Variants in NEK5 observed in about 807,000 individuals in gnomAD.
The protein encoded by NEK5 is serine/threonine-protein kinase Nek5.
NEK5 carries 88 observed loss-of-function variants against 109.2 expected under a neutral mutation model. That is an observed-to-expected ratio of 0.81 (90% confidence interval 0.68 to 0.96). NEK5 has a LOEUF of 0.96. Among genes scored for constraint, NEK5 ranks in the 40% least tolerant of loss-of-function variants. NEK5 has a pLI of 0.00. For missense variants in NEK5, 834 were observed against 920.7 expected, an observed-to-expected ratio of 0.91 and a Z score of 1.22; for synonymous variants, 283 against 299.9, an observed-to-expected ratio of 0.94 and a Z score of 0.58.
intron 3 of NEK5, among the ~76,000 whole-genome samples, chr13:52,127,053 A>C (rs1594012872): frequency 6.6e-6 from 1 of 152,246 alleles, no homozygotes; most frequent in East Asian, 1.9e-4. Flanking sequence ...TTCATTAAAA[A>C]AATTTTTTTT....
In NEK5 at chr13:52,037,104, G is replaced by A. The variant is rs1214227116; in HGVS notation, c.2343C>T (p.Asp781=). Residue 781 remains aspartate, a synonymous_variant, in exon 24 of 24, where the codon GAC becomes GAT. Transcript: ENST00000684899. ...CCTCTCTTTCTCTTGACTTTCTAGAGTCCTTAGAGGTACTGGAGGCCTCTT... is the reference window on the plus strand; with the variant it reads ...CCTCTCTTTCTCTTGACTTTCTAGAATCCTTAGAGGTACTGGAGGCCTCTT... ...KTEEASSTSK[D]SRKSREREGI... The A allele has an allele frequency of 1.2e-5, 12 of 985,176 alleles. No individual in the cohort carries two copies. The highest frequency in any genetic ancestry group is 1.4e-5 in the Non-Finnish European group (12 of 829,898). The allele number at this position is 985,176 out of a possible 1,614,324, so 61.0% of individuals were successfully genotyped here. A position where few individuals can be genotyped will look rare whatever the true frequency, so the allele number is the denominator to read the frequency against.
intron 17 of NEK5, among the ~76,000 whole-genome samples, chr13:52,080,250 C>T (rs1440145652): frequency 3.4e-4 from 47 of 139,374 alleles, no homozygotes; most frequent in African/African-American, 9.6e-4. Context: ...CCAGCCGCCC[C>T]ATCCGGGAGG....
chr13:52,114,335 C>T (rs1955809537), intron 4 of NEK5, among the ~76,000 whole-genome samples: 1 of 152,184 alleles, frequency 6.6e-6, no homozygotes, highest in Admixed American at 6.5e-5. Context: ...CATTAAATGC[C>T]AAAATCTCTT....
Position 52,101,053 on chromosome 13 carries a change from G to A in NEK5, c.892+880C>T, listed in dbSNP as rs993049845. On this transcript the variant is annotated intron_variant, in intron 11 of 23. Transcript: ENST00000684899. Reference sequence around the variant, plus strand: ...AATTAGTAATTTTCTCTTTCTTAACGTACCCCTCCCTCTGACACACAGCTT... The same window carrying A: ...AATTAGTAATTTTCTCTTTCTTAACATACCCCTCCCTCTGACACACAGCTT... 3.3e-5 allele frequency among the ~76,000 whole-genome samples: 5 copies of A among 152,150 alleles called. No homozygotes were observed. In the East Asian group the frequency reaches 7.7e-4, roughly 24 times the overall value.
intron 12 of NEK5, among the ~76,000 whole-genome samples, chr13:52,098,035 G>C (rs1955453459): frequency 6.6e-6 from 1 of 152,102 alleles, no homozygotes; most frequent in Non-Finnish European, 1.5e-5. Context: ...TTTAAGATGA[G>C]CCTGCTTCCC....
At chr13:52,040,180 G>C (rs888535436) in intron 23 of NEK5, among the ~76,000 whole-genome samples, 3 of 150,552 alleles carry the variant, frequency 2.0e-5, no homozygotes, top group Non-Finnish European at 2.9e-5. Context: ...CGCCTCCCAG[G>C]TTCAAATGAT....
intron 3 of NEK5, among the ~76,000 whole-genome samples, chr13:52,122,508 C>G (rs1761975510): frequency 6.6e-6 from 1 of 152,190 alleles, no homozygotes; most frequent in South Asian, 2.1e-4. Context: ...GTGGCTCACA[C>G]CTGTAATCCC....
intron 4 of NEK5, among the ~76,000 whole-genome samples, chr13:52,115,279 G>A (rs1339611458): frequency 6.6e-6 from 1 of 150,818 alleles, no homozygotes; most frequent in Non-Finnish European, 1.5e-5. Context: ...GGGATTACAA[G>A]CGTGAGCCAC....
intron 21 of NEK5, among the ~76,000 whole-genome samples, chr13:52,064,272 A>G (rs1593927217): frequency 8.1e-6 from 1 of 122,886 alleles, no homozygotes; most frequent in African/African-American, 3.1e-5. Context: ...CCGGGAGGTG[A>G]GGGGCGCCTC....
Position 52,034,884 on chromosome 13 carries a change from T to TC in NEK5, c.*2063_*2064insG, listed in dbSNP as rs1316767906. The stretch of plus-strand genomic sequence containing the variant: ...ATCCTTAAACATTCTTTTTTTTCTT[T>TC]TTTTTTTTTTTTTTTGCCCTTAATT... On this transcript the variant is annotated 3_prime_UTR_variant, in exon 24 of 24. Transcript: ENST00000684899. 12 of 146,132 alleles carry TC rather than the reference T, an allele frequency of 8.2e-5. No homozygotes were observed. Among genetic ancestry groups the TC allele is most frequent in the East Asian group, 5.9e-4 (3 of 5,084 alleles). 9.1% of individuals were successfully genotyped at this position (146,132 alleles called of 1,614,324 possible).
intron 17 of NEK5, among the ~76,000 whole-genome samples, chr13:52,080,137 C>T (rs1246718488): frequency 2.0e-4 from 30 of 148,982 alleles, no homozygotes; most frequent in African/African-American, 6.2e-4. Context: ...GGAGCGTCTC[C>T]GCCCGGCAGC....
At position 52,067,676 on chromosome 13, in the gene NEK5, A is replaced by ATTTT. The variant is rs33986940; in HGVS notation, c.1850-2071_1850-2068dup. ...CTCCAACTGGTCTTTACACCACGTC[A>ATTTT]TTTTTTTTTTTTTTTTTTTGAGATG... On this transcript the variant is annotated intron_variant, in intron 20 of 23. Transcript: ENST00000684899. Among the ~76,000 whole-genome samples, 34 of 120,150 alleles carry ATTTT rather than the reference A, an allele frequency of 2.8e-4. 3 individuals carry two copies. The highest frequency in any genetic ancestry group is 5.6e-4 in the South Asian group (2 of 3,596). The allele number at this position is 120,150 out of a possible 152,430, so 78.8% of individuals were successfully genotyped here. A position where few individuals can be genotyped will look rare whatever the true frequency, so the allele number is the denominator to read the frequency against.
Position 52,050,108 on chromosome 13 carries a change from C to T in NEK5, c.2224G>A (p.Asp742Asn), listed in dbSNP as rs1017355936. The T allele has an allele frequency of 1.0e-6, 1 of 966,056 alleles. No individual in the cohort carries two copies. Among genetic ancestry groups the T allele is most frequent in the Non-Finnish European group, 1.2e-6 (1 of 811,868 alleles). 59.8% of individuals were successfully genotyped at this position (966,056 alleles called of 1,614,324 possible). A position where few individuals can be genotyped will look rare whatever the true frequency, so the allele number is the denominator to read the frequency against. Residue 742 changes from aspartate (D) to asparagine (N), a missense_variant, in exon 23 of 24, where the codon GAT becomes AAT. Physicochemically the swap from Asp to Asn is conservative, Grantham distance 23 (BLOSUM62 1). Around this residue, in one of 2 missense-constraint regions of NEK5, gnomAD observed 57 missense variants for 96.0 expected, o/e 0.59. Transcript: ENST00000684899. ...EQLEPRSDDDDTNFEESEDEL... is the reference protein window; with the variant it reads ...EQLEPRSDDDNTNFEESEDEL... ...ATCGGCAAATGATCTACTTACGTATCATCATCATCAGATCTTGGTTCTAGT... is the reference window on the plus strand; with the variant it reads ...ATCGGCAAATGATCTACTTACGTATTATCATCATCAGATCTTGGTTCTAGT...
At chr13:52,104,831 G>A (rs73500150) in intron 8 of NEK5, among the ~76,000 whole-genome samples, 15,354 of 152,228 alleles carry the variant, frequency 0.1, 758 homozygotes, top group Non-Finnish European at 0.12. Context: ...CAAAAACAAT[G>A]TATGTATGAT....
intron 23 of NEK5, among the ~76,000 whole-genome samples, chr13:52,042,979 A>AT (rs1414827163): frequency 6.6e-6 from 1 of 152,130 alleles, no homozygotes; most frequent in African/African-American, 2.4e-5. Flanking sequence ...ATTAAAAGAC[A>AT]TTTTCACATG....
At chr13:52,101,495 T>C (rs186495062) in intron 11 of NEK5, among the ~76,000 whole-genome samples, 145 of 152,360 alleles carry the variant, frequency 9.5e-4, no homozygotes, top group African/African-American at 3.3e-3. Flanking sequence ...TGTTATCAAT[T>C]AGGCCCCAAG....
chr13:52,115,601 C>CAAAAAAA (rs71088014), intron 4 of NEK5, among the ~76,000 whole-genome samples: 1 of 49,188 alleles, frequency 2.0e-5, no homozygotes, highest in Non-Finnish European at 3.3e-5. Flanking sequence ...GAGACTCCGT[C>CAAAAAAA]AAAAAAAAAA....
chr13:52,059,602 C>T (rs1342322433), intron 22 of NEK5, among the ~76,000 whole-genome samples: 1 of 151,948 alleles, frequency 6.6e-6, no homozygotes, highest in East Asian at 1.9e-4. Flanking sequence ...GGCACATATA[C>T]ACCATGGAAT....
chr13:52,119,634 T>A (rs1238844978), intron 3 of NEK5, among the ~76,000 whole-genome samples: 1 of 152,208 alleles, frequency 6.6e-6, no homozygotes, highest in African/African-American at 2.4e-5. Flanking sequence ...AAAATAAATA[T>A]TTCTGGTGAA....
Sources: gnomAD v4.1 joint callset for allele counts (sites outside exome capture counted in the v4.1 genomes callset) on GRCh38, gnomAD v4.1.1 for gene constraint, gnomAD v4.1.1 regional missense constraint, MANE v1.5 for transcripts, NCBI Gene and HGNC (gene_info 2026-07-23, HGNC 2026-07-21) for gene names.